EPC2: variants seen among roughly 807,000 people sequenced by gnomAD.
EPC2 encodes the protein enhancer of polycomb 2.
A neutral mutation model predicts 92.1 loss-of-function variants in EPC2; 14 were observed. That is an observed-to-expected ratio of 0.15 (90% confidence interval 0.10 to 0.24). The LOEUF (loss-of-function observed/expected upper bound fraction) is 0.24. Ranked by LOEUF, EPC2 falls within the 10% of genes least tolerant of loss-of-function variation. The pLI, the probability that EPC2 is intolerant of heterozygous loss-of-function variation, is 1.00. For missense variants in EPC2, 755 were observed against 971.5 expected (o/e 0.78, Z 2.96); for synonymous variants, 340 against 334.7 (o/e 1.02, Z -0.17).
intron 1 of EPC2, among the ~76,000 whole-genome samples, chr2:148,681,903 G>A (rs10928410): frequency 0.032 from 4,883 of 152,090 alleles, 258 homozygotes; most frequent in African/African-American, 0.11. Flanking sequence ...CCCGGGGTGT[G>A]ATGTTCCCCA....
At chr2:148,707,694 T>C (rs1682033709) in intron 2 of EPC2, among the ~76,000 whole-genome samples, 1 of 152,042 alleles carries the variant, frequency 6.6e-6, no homozygotes, top group Non-Finnish European at 1.5e-5. Context: ...ATTAAGAAAC[T>C]CACTCAAAAC....
At chr2:148,762,577 T>A in intron 5 of EPC2, 93 bp from the exon 6 acceptor site, 1 of 853,082 alleles carries the variant, frequency 1.2e-6, no homozygotes, top group Non-Finnish European at 1.7e-6. Context: ...CCTTTTTGAC[T>A]AGGTGACTTC....
At chr2:148,770,520 A>G (rs1030998747) in intron 8 of EPC2, among the ~76,000 whole-genome samples, 2 of 152,212 alleles carry the variant, frequency 1.3e-5, no homozygotes, top group African/African-American at 4.8e-5. Context: ...ATTTTTAACT[A>G]TATATTCCTT....
chr2:148,649,188 TTAAA>T (rs1394637597), intron 1 of EPC2, among the ~76,000 whole-genome samples: 3 of 152,238 alleles, frequency 2.0e-5, no homozygotes, highest in African/African-American at 7.2e-5. Flanking sequence ...AATCCTTTTT[TTAAA>T]TAAACTTTTT....
intron 2 of EPC2, among the ~76,000 whole-genome samples, chr2:148,739,122 C>G (rs1321442080): frequency 3.9e-5 from 6 of 152,184 alleles, no homozygotes; most frequent in African/African-American, 1.4e-4. Flanking sequence ...GGAGAAAGAA[C>G]AAGTGAAAAG....
At chr2:148,708,182 A>G (rs1263086369) in intron 2 of EPC2, among the ~76,000 whole-genome samples, 1 of 152,234 alleles carries the variant, frequency 6.6e-6, no homozygotes, top group Non-Finnish European at 1.5e-5. Context: ...GCCCTACGGA[A>G]GTACAGACTA....
At position 148,775,775 on chromosome 2, in the gene EPC2, CTTTTTTTTT is replaced by C. The variant is rs70995334; in HGVS notation, c.1720+4400_1720+4408del. ...TAAAGAAATATTACCAATTTCTTTT[CTTTTTTTTT>C]TTTTTTTTTTTGAGATGGAGTCTCA... is the stretch of plus-strand genomic sequence containing the variant. On this transcript the variant is annotated intron_variant, in intron 10 of 13. Transcript: ENST00000258484. 1.9e-3 allele frequency among the ~76,000 whole-genome samples: 179 copies of C among 92,302 alleles called. No individual in the cohort carries two copies. The Middle Eastern group carries it at 0.03, about 15-fold the overall frequency. 60.6% of individuals were successfully genotyped at this position (92,302 alleles called of 152,430 possible).
At chr2:148,673,071 C>T (rs186161278) in intron 1 of EPC2, among the ~76,000 whole-genome samples, 7 of 152,278 alleles carry the variant, frequency 4.6e-5, no homozygotes, top group Admixed American at 4.6e-4. Context: ...TATGAGCTCT[C>T]CCTTGTACAT....
At chr2:148,767,227 G>C (rs1414890315) in intron 7 of EPC2, among the ~76,000 whole-genome samples, 1 of 150,838 alleles carries the variant, frequency 6.6e-6, no homozygotes, top group Non-Finnish European at 1.5e-5. Flanking sequence ...GAATGATACT[G>C]TAGGGTGCTA....
At chr2:148,690,740 G>T (rs1392717971) in intron 2 of EPC2, among the ~76,000 whole-genome samples, 1 of 151,870 alleles carries the variant, frequency 6.6e-6, no homozygotes, top group Non-Finnish European at 1.5e-5. Context: ...TTGGCTCACT[G>T]CAACCTCTGC....
At chr2:148,729,646 G>A (rs146237383) in intron 2 of EPC2, among the ~76,000 whole-genome samples, 1 of 152,142 alleles carries the variant, frequency 6.6e-6, no homozygotes, top group East Asian at 1.9e-4. Flanking sequence ...AAGCAACAAG[G>A]GATGGAAAAT....
At chr2:148,720,766 G>A (rs764895678) in intron 2 of EPC2, among the ~76,000 whole-genome samples, 5 of 152,154 alleles carry the variant, frequency 3.3e-5, no homozygotes, top group Non-Finnish European at 5.9e-5. Context: ...TCCCAAGTGG[G>A]CCGCCGCGCC....
chr2:148,654,010 C>T (rs769198598), intron 1 of EPC2, among the ~76,000 whole-genome samples: 7 of 149,090 alleles, frequency 4.7e-5, no homozygotes, highest in East Asian at 2.0e-4. Flanking sequence ...TGCAATGGCG[C>T]GATCTTGGCT....
chr2:148,734,601 A>C (rs914091137), intron 2 of EPC2, among the ~76,000 whole-genome samples: 1 of 152,084 alleles, frequency 6.6e-6, no homozygotes, highest in South Asian at 2.1e-4. Flanking sequence ...GCTTGCCTTT[A>C]TTGAACACAT....
intron 10 of EPC2, among the ~76,000 whole-genome samples, chr2:148,772,636 A>T (rs1683549358): frequency 1.3e-5 from 2 of 152,170 alleles, no homozygotes; most frequent in African/African-American, 4.8e-5. Flanking sequence ...ATTTATCCAA[A>T]TTGGTTGGTT....
chr2:148,647,370 C>T (rs1403219069), intron 1 of EPC2, among the ~76,000 whole-genome samples: 1 of 152,214 alleles, frequency 6.6e-6, no homozygotes, highest in Admixed American at 6.5e-5. Flanking sequence ...TGCAATGGCG[C>T]GATCTCGGCT....
intron 1 of EPC2, among the ~76,000 whole-genome samples, chr2:148,661,434 A>G (rs967072692): frequency 1.3e-5 from 2 of 152,128 alleles, no homozygotes; most frequent in African/African-American, 4.8e-5. Flanking sequence ...TATGTAATTG[A>G]GTTAGATACC....
At chr2:148,729,089 A>G (rs1682565499) in intron 2 of EPC2, among the ~76,000 whole-genome samples, 1 of 149,606 alleles carries the variant, frequency 6.7e-6, no homozygotes, top group Admixed American at 6.7e-5. Flanking sequence ...TTTGTTACAT[A>G]TTATAAATAG....
At chr2:148,649,030 C>T (rs1210913657) in intron 1 of EPC2, among the ~76,000 whole-genome samples, 1 of 152,150 alleles carries the variant, frequency 6.6e-6, no homozygotes, top group African/African-American at 2.4e-5. Context: ...AGAATTTAGA[C>T]CAGAAAGATC....
Sources: gnomAD v4.1 joint callset for allele counts (sites outside exome capture counted in the v4.1 genomes callset) on GRCh38, gnomAD v4.1.1 for gene constraint, MANE v1.5 for transcripts, NCBI Gene and HGNC (gene_info 2026-07-23, HGNC 2026-07-21) for gene names.